SLIT3: variants seen among roughly 807,000 people sequenced by gnomAD.
SLIT3 encodes the protein slit guidance ligand 3.
A neutral mutation model predicts 184.0 loss-of-function variants in SLIT3; 68 were observed. The observed-to-expected ratio is 0.37, with a 90% confidence interval of 0.30 to 0.45. The LOEUF (loss-of-function observed/expected upper bound fraction) is 0.45. Among genes scored for constraint, SLIT3 ranks in the 20% least tolerant of loss-of-function variants. The pLI is 1.00. For missense variants in SLIT3, 1,707 were observed against 2,026.0 expected, an observed-to-expected ratio of 0.84 and a Z score of 3.02; for synonymous variants, 831 against 828.6, an observed-to-expected ratio of 1.00 and a Z score of -0.05.
chr5:169,278,590 C>T (rs1039004235), intron 1 of SLIT3, among the ~76,000 whole-genome samples: 2 of 152,140 alleles, frequency 1.3e-5, no homozygotes, highest in African/African-American at 2.4e-5. Context: ...AGTATTAATG[C>T]GCAGGCCCAA....
At chr5:169,293,600 G>C (rs1343496336) in intron 1 of SLIT3, among the ~76,000 whole-genome samples, 2 of 152,126 alleles carry the variant, frequency 1.3e-5, no homozygotes, top group Non-Finnish European at 2.9e-5. Flanking sequence ...CCTTTGAAGG[G>C]AGTATTATTA....
At chr5:169,176,086 C>G (rs1030839929) in intron 4 of SLIT3, among the ~76,000 whole-genome samples, 3 of 152,150 alleles carry the variant, frequency 2.0e-5, no homozygotes, top group African/African-American at 7.2e-5. Context: ...ACTTCTGGGC[C>G]TGCTCCACCA....
chr5:169,261,559 C>A (rs904849921), intron 1 of SLIT3, among the ~76,000 whole-genome samples: 1 of 152,048 alleles, frequency 6.6e-6, no homozygotes, highest in Admixed American at 6.6e-5. Context: ...ATCCCTCCCT[C>A]CTTTCCTTGC....
chr5:169,015,952 ACAC>A (rs1756350826), intron 4 of SLIT3, among the ~76,000 whole-genome samples: 1 of 131,446 alleles, frequency 7.6e-6, no homozygotes, highest in Non-Finnish European at 1.6e-5. Context: ...ACACACACAC[ACAC>A]ACACACACAC....
intron 28 of SLIT3, among the ~76,000 whole-genome samples, chr5:168,694,350 C>T (rs1031292882): frequency 6.6e-6 from 1 of 152,164 alleles, no homozygotes; most frequent in Non-Finnish European, 1.5e-5. Flanking sequence ...TCTTCTTGAC[C>T]AATGACTCAA....
intron 4 of SLIT3, among the ~76,000 whole-genome samples, chr5:168,907,973 TATATATAG>T (rs1302020096): frequency 6.0e-5 from 4 of 66,792 alleles, no homozygotes; most frequent in Non-Finnish European, 8.2e-5. Flanking sequence ...TATATATATA[TATATATAG>T]AGAGAGAGAG....
rs548445344 is a variant in SLIT3, at chr5:168,982,596, G to C, written c.414-99260C>G. On this transcript the variant is annotated intron_variant, in intron 4 of 35. Coordinates refer to ENST00000519560, the MANE Select transcript of SLIT3 (RefSeq NM_003062.4). ...GTTATTTTTATAGTATTTTACAAAT[G>C]TATTAGTCTATAGGTTGCAGTCTTT... Among the ~76,000 whole-genome samples the C allele has an allele frequency of 2.6e-5, 4 of 152,298 alleles. No homozygotes were observed. In the South Asian group the frequency reaches 8.3e-4, roughly 32 times the overall value.
At chr5:169,205,835 C>T (rs1271296474) in intron 3 of SLIT3, among the ~76,000 whole-genome samples, 1 of 152,208 alleles carries the variant, frequency 6.6e-6, no homozygotes, top group Non-Finnish European at 1.5e-5. Context: ...CAGTCACAAT[C>T]ACAGTAGCAC....
chr5:168,792,059 T>A (rs555472445), intron 10 of SLIT3: 1 of 152,358 alleles, frequency 6.6e-6, no homozygotes, highest in Non-Finnish European at 1.5e-5. Flanking sequence ...GTGAAGTACC[T>A]GGAGCCATAA....
chr5:169,080,573 C>T (rs912550259), intron 4 of SLIT3, among the ~76,000 whole-genome samples: 1 of 152,138 alleles, frequency 6.6e-6, no homozygotes, highest in Admixed American at 6.5e-5. Flanking sequence ...GAGGTGAGAG[C>T]TATAAAGCAC....
chr5:169,161,041 G>A (rs566789130), intron 4 of SLIT3, among the ~76,000 whole-genome samples: 4 of 152,300 alleles, frequency 2.6e-5, no homozygotes, highest in East Asian at 3.9e-4. Context: ...AATGAAAAGC[G>A]GATTTTTCTA....
intron 23 of SLIT3, among the ~76,000 whole-genome samples, chr5:168,717,810 G>A (rs183947194): frequency 3.3e-5 from 5 of 152,034 alleles, no homozygotes; most frequent in East Asian, 1.9e-4. Context: ...ACAGGCACCC[G>A]CCACTACGTC....
intron 16 of SLIT3, among the ~76,000 whole-genome samples, chr5:168,758,244 G>T (rs1261466277): frequency 1.3e-5 from 2 of 152,130 alleles, no homozygotes; most frequent in Non-Finnish European, 2.9e-5. Context: ...GTTTTCTGGG[G>T]CATACAGAAA....
At chr5:168,671,617 C>T in intron 33 of SLIT3, 134 bp from the exon 34 acceptor site, 1 of 999,428 alleles carries the variant, frequency 1.0e-6, no homozygotes, top group Middle Eastern at 3.3e-4. Context: ...GGTTAACGGG[C>T]CAAAACCTCG....
At chr5:169,293,501 C>T (rs565175885) in intron 1 of SLIT3, among the ~76,000 whole-genome samples, 116 of 152,154 alleles carry the variant, frequency 7.6e-4, no homozygotes, top group Non-Finnish European at 1.4e-3. Flanking sequence ...GAGGTCTACA[C>T]TCAGTAAGAC....
At chr5:169,192,168 C>T (rs1763574749) in intron 4 of SLIT3, among the ~76,000 whole-genome samples, 1 of 152,008 alleles carries the variant, frequency 6.6e-6, no homozygotes, top group Non-Finnish European at 1.5e-5. Context: ...AGCATTTCCT[C>T]CGCCCCCATG....
chr5:169,194,371 A>G (rs1763675160), intron 3 of SLIT3, among the ~76,000 whole-genome samples: 1 of 152,118 alleles, frequency 6.6e-6, no homozygotes, highest in Admixed American at 6.6e-5. Flanking sequence ...AGGGCATGGC[A>G]GATCACCTTG....
At chr5:169,268,389 A>G (rs1455688583) in intron 1 of SLIT3, among the ~76,000 whole-genome samples, 1 of 152,194 alleles carries the variant, frequency 6.6e-6, no homozygotes, top group Non-Finnish European at 1.5e-5. Flanking sequence ...TGATGGCACC[A>G]CATAAGACTC....
chr5:169,262,729 T>C (rs1223125419), intron 1 of SLIT3, among the ~76,000 whole-genome samples: 1 of 152,044 alleles, frequency 6.6e-6, no homozygotes, highest in Non-Finnish European at 1.5e-5. Flanking sequence ...GCTTGCCTCA[T>C]TTAATTCTTT....
Sources: allele counts gnomAD v4.1 joint callset (sites outside exome capture counted in the v4.1 genomes callset), GRCh38; gene constraint gnomAD v4.1.1; transcripts MANE v1.5; gene names NCBI Gene and HGNC (gene_info 2026-07-23, HGNC 2026-07-21).